Variants in USP45 observed in about 807,000 individuals in gnomAD.
USP45 encodes ubiquitin specific peptidase 45, also known as ubiquitin carboxyl-terminal hydrolase 45.
Under a neutral mutation model 95.8 loss-of-function variants are expected in USP45, and 89 were observed. That is an observed-to-expected ratio of 0.93 (90% CI 0.78 to 1.11). USP45 has a LOEUF of 1.11. Among genes scored for constraint, USP45 ranks in the 50% least tolerant of loss-of-function variants. USP45 has a pLI of 0.00. For synonymous variants in USP45, 281 were observed against 316.2 expected (o/e 0.89, Z 1.18); for missense variants, 898 against 942.5 (o/e 0.95, Z 0.62).
At chr6:99,454,152 A>C (rs557265185) in intron 13 of USP45, among the ~76,000 whole-genome samples, 58 of 152,230 alleles carry the variant, frequency 3.8e-4, no homozygotes, top group African/African-American at 1.1e-3. Flanking sequence ...GAATAAAGAA[A>C]TCCACATACT....
intron 2 of USP45, among the ~76,000 whole-genome samples, chr6:99,509,476 TCC>T (rs1314905313): frequency 6.6e-6 from 1 of 152,044 alleles, no homozygotes; most frequent in Admixed American, 6.6e-5. Flanking sequence ...ATTAAAAATA[TCC>T]CTTTAAATGG....
rs767493387 is a variant in USP45, at chr6:99,510,134, T to C, written c.87A>G (p.Ser29=). ...ATCACAATTTACCAGCAATATCATC[T>C]GAAGAGTCTTCATCATGAGGTACAG... ...RPTVPHDEDS[S]DDIAVGLTCQ... is the part of the protein sequence containing the mutation. Residue 29 remains serine (S), a synonymous_variant, in exon 2 of 18, where the codon TCA becomes TCG. Transcript: ENST00000500704. The C allele has an allele frequency of 6.2e-7, 1 of 1,612,224 alleles. No homozygotes were observed. The highest frequency in any genetic ancestry group is 1.7e-5 in the Admixed American group (1 of 59,992).
At position 99,488,303 on chromosome 6, in the gene USP45, A is replaced by G. The variant is rs745476852; in HGVS notation, c.619-8T>C. ...ATAAGTCTGTGCCAAGTTCTAAAAG[A>G]AAACAAAATTAAAGTCTTCAGATTC... On this transcript the variant is annotated splice_polypyrimidine_tract_variant and splice_region_variant and intron_variant, in intron 6 of 17. Coordinates refer to ENST00000500704, the MANE Select transcript of USP45 (RefSeq NM_001346022.3). The G allele has an allele frequency of 6.3e-7, 1 of 1,575,792 alleles. No homozygotes were observed. The highest frequency in any genetic ancestry group is 8.6e-7 in the Non-Finnish European group (1 of 1,156,534).
At chr6:99,437,161 C>T in intron 17 of USP45, 85 bp downstream of exon 17, 3 of 1,360,422 alleles carry the variant, frequency 2.2e-6, no homozygotes, top group Non-Finnish European at 3.0e-6. Flanking sequence ...CTAGAGGCAT[C>T]TATGAAATAA....
Position 99,496,734 on chromosome 6 carries a change from C to A in USP45, c.478+7031G>T, listed in dbSNP as rs545518704. ...CTATTAAAGTGAGAAATCTCTGAGA[C>A]TTTCAGAGGACAATGGCCCACTTTA... is the stretch of plus-strand genomic sequence containing the variant. On this transcript the variant is annotated intron_variant, in intron 5 of 17. Coordinates refer to ENST00000500704, the MANE Select transcript of USP45 (RefSeq NM_001346022.3). Among the ~76,000 whole-genome samples the A allele has an allele frequency of 5.5e-4, 84 of 151,792 alleles. 1 individual carries two copies. Among genetic ancestry groups the A allele is most frequent in the Non-Finnish European group, 1.1e-3 (74 of 67,980 alleles).
At chr6:99,494,532 TATTACCTCAA>T (rs1385051478) in intron 5 of USP45, among the ~76,000 whole-genome samples, 2 of 151,912 alleles carry the variant, frequency 1.3e-5, no homozygotes, top group African/African-American at 4.8e-5. Flanking sequence ...AAACTTAAGA[TATTACCTCAA>T]ATTTTTCCAG....
At chr6:99,495,873 C>T (rs1189265522) in intron 5 of USP45, among the ~76,000 whole-genome samples, 1 of 152,162 alleles carries the variant, frequency 6.6e-6, no homozygotes, top group Non-Finnish European at 1.5e-5. Context: ...CAATTAACAT[C>T]TCCCTATGTA....
At chr6:99,492,138 T>C (rs1230063965) in intron 5 of USP45, among the ~76,000 whole-genome samples, 1 of 152,234 alleles carries the variant, frequency 6.6e-6, no homozygotes. Flanking sequence ...ACAATGTTCA[T>C]AAGACCATCT....
At chr6:99,440,457 T>C (rs1353179242) in intron 15 of USP45, among the ~76,000 whole-genome samples, 1 of 152,202 alleles carries the variant, frequency 6.6e-6, no homozygotes, top group African/African-American at 2.4e-5. Context: ...TTGCATTATG[T>C]AATGGTAATA....
chr6:99,487,520 T>G (rs1322233661), intron 7 of USP45, among the ~76,000 whole-genome samples: 1 of 151,164 alleles, frequency 6.6e-6, no homozygotes, highest in African/African-American at 2.4e-5. Context: ...CCGGGCGTGG[T>G]GGCTCACGCC....
chr6:99,489,666 G>A (rs1232726803), intron 5 of USP45, among the ~76,000 whole-genome samples: 2 of 152,096 alleles, frequency 1.3e-5, no homozygotes, highest in African/African-American at 4.8e-5. Flanking sequence ...ATTATATTAG[G>A]CTGGCCACGG....
rs553040955 is a variant in USP45, at chr6:99,463,961, A to G, written c.1308+643T>C. Among the ~76,000 whole-genome samples the G allele has an allele frequency of 8.5e-5, 13 of 152,254 alleles. No homozygotes were observed. In the South Asian group the frequency reaches 2.3e-3, roughly 27 times the overall value. ...CTGAATCCTTATTTATTTATAATGA[A>G]TTAATATTTTTGATATGATAATGGT... On this transcript the variant is annotated intron_variant, in intron 13 of 17. Transcript: ENST00000500704.
chr6:99,460,966 G>A, intron 13 of USP45: 1 of 985,182 alleles, frequency 1.0e-6, no homozygotes, highest in African/African-American at 1.7e-5. Flanking sequence ...TCTTATAATT[G>A]AATTTAAGAG....
chr6:99,480,527 T>C (rs1192379101), intron 8 of USP45, among the ~76,000 whole-genome samples: 1 of 151,956 alleles, frequency 6.6e-6, no homozygotes, highest in East Asian at 1.9e-4. Flanking sequence ...AATACAAAAT[T>C]AGCCGGGTGT....
At chr6:99,456,461 G>C (rs951739763) in intron 13 of USP45, among the ~76,000 whole-genome samples, 2 of 152,180 alleles carry the variant, frequency 1.3e-5, no homozygotes, top group African/African-American at 4.8e-5. Flanking sequence ...CAAATGGAGG[G>C]ACCGGCTGAA....
chr6:99,473,162 G>T (rs1255275503), intron 9 of USP45, among the ~76,000 whole-genome samples: 1 of 151,480 alleles, frequency 6.6e-6, no homozygotes, highest in African/African-American at 2.4e-5. Context: ...TAACATATAA[G>T]AATAATTATT....
intron 7 of USP45, among the ~76,000 whole-genome samples, chr6:99,484,634 C>CA (rs1253522038): frequency 1.3e-5 from 2 of 151,478 alleles, no homozygotes; most frequent in East Asian, 2.0e-4. Context: ...TCCGTCTCTG[C>CA]AAAAAAAATT....
chr6:99,461,341 C>A, intron 13 of USP45: 1 of 985,302 alleles, frequency 1.0e-6, no homozygotes, highest in African/African-American at 1.7e-5. Context: ...CACATAATAT[C>A]TTTTGGTAGC....
intron 5 of USP45, among the ~76,000 whole-genome samples, chr6:99,496,982 A>C (rs9389427): frequency 0.79 from 119,465 of 151,994 alleles, 47,255 homozygotes; most frequent in East Asian, 0.99. Flanking sequence ...GGCAGTGTAC[A>C]TTCTATGGAT....
Sources: allele counts gnomAD v4.1 joint callset (sites outside exome capture counted in the v4.1 genomes callset), GRCh38; gene constraint gnomAD v4.1.1; transcripts MANE v1.5; gene names NCBI Gene and HGNC (gene_info 2026-07-23, HGNC 2026-07-21).